PTPRG: variants seen among roughly 807,000 people sequenced by gnomAD.
PTPRG encodes protein tyrosine phosphatase receptor type G, also known as receptor-type tyrosine-protein phosphatase gamma.
PTPRG carries 102 observed loss-of-function variants against 165.3 expected under a neutral mutation model. That is an observed-to-expected ratio of 0.62 (90% CI 0.53 to 0.73). PTPRG has a LOEUF of 0.73. Ranked by LOEUF, PTPRG falls within the 30% of genes least tolerant of loss-of-function variation. PTPRG has a pLI of 0.00. For synonymous variants in PTPRG, 675 were observed against 669.5 expected (o/e 1.01, Z -0.13); for missense variants, 1,866 against 1,861.4 (o/e 1.00, Z -0.05).
chr3:62,098,996 A>C (rs1051836841), intron 5 of PTPRG, among the ~76,000 whole-genome samples: 1 of 152,212 alleles, frequency 6.6e-6, no homozygotes, highest in Non-Finnish European at 1.5e-5. Flanking sequence ...GAGATGATGC[A>C]TTTTTGTTGT....
chr3:61,906,045 T>C (rs891643972), intron 2 of PTPRG, among the ~76,000 whole-genome samples: 1 of 152,240 alleles, frequency 6.6e-6, no homozygotes, highest in South Asian at 2.1e-4. Flanking sequence ...TTTTAGGTTT[T>C]TTTAGCTCTA....
intron 1 of PTPRG, among the ~76,000 whole-genome samples, chr3:61,739,544 G>A (rs1035512769): frequency 6.6e-6 from 1 of 152,178 alleles, no homozygotes; most frequent in Admixed American, 6.5e-5. Flanking sequence ...TTGTAGTGTA[G>A]TATCAGTTAT....
intron 16 of PTPRG, among the ~76,000 whole-genome samples, chr3:62,258,998 C>G (rs1356092826): frequency 1.3e-5 from 2 of 152,186 alleles, no homozygotes; most frequent in Admixed American, 1.3e-4. Context: ...CTGGTAGAAT[C>G]AGAAGTCTAA....
At chr3:61,975,393 A>G (rs7627385) in intron 2 of PTPRG, among the ~76,000 whole-genome samples, 81,130 of 151,996 alleles carry the variant, frequency 0.53, 22,087 homozygotes, top group African/African-American at 0.65. Context: ...AGCCTGTCAT[A>G]TTGTTCTTGG....
intron 1 of PTPRG, among the ~76,000 whole-genome samples, chr3:61,606,625 C>G (rs1179744529): frequency 2.0e-5 from 3 of 152,200 alleles, no homozygotes; most frequent in Non-Finnish European, 4.4e-5. Flanking sequence ...AATTTTCTTA[C>G]ACTTCTGGAG....
chr3:61,965,487 CAA>C (rs56210593), intron 2 of PTPRG, among the ~76,000 whole-genome samples: 13 of 80,200 alleles, frequency 1.6e-4, no homozygotes, highest in South Asian at 4.6e-4. Context: ...GACTCCGTCT[CAA>C]AAAAAAAAAA....
chr3:62,067,037 T>TGAA lies in PTPRG; in HGVS notation c.520-11126_520-11125insGAA, dbSNP rs759567324. 4.2e-5 allele frequency among the ~76,000 whole-genome samples: 2 copies of TGAA among 48,152 alleles called. 1 individual carries two copies. Among genetic ancestry groups the TGAA allele is most frequent in the Admixed American group, 5.0e-4 (2 of 4,018 alleles). The allele number at this position is 48,152 out of a possible 152,430, so 31.6% of individuals were successfully genotyped here. On this transcript the variant is annotated intron_variant, in intron 4 of 29. Transcript: ENST00000474889. ...TGGCGACAAAGTGAGAGATTCTGAC[T>TGAA]CAAAAAAAAAAAAAAAAAAAAAAAT... is the stretch of plus-strand genomic sequence containing the variant.
intron 2 of PTPRG, among the ~76,000 whole-genome samples, chr3:61,881,488 C>T (rs2037888177): frequency 6.6e-6 from 1 of 152,178 alleles, no homozygotes. Context: ...GTGCTGGACG[C>T]TGTTTAGGGA....
At chr3:61,811,779 C>A (rs1007958844) in intron 2 of PTPRG, among the ~76,000 whole-genome samples, 2 of 152,110 alleles carry the variant, frequency 1.3e-5, no homozygotes, top group African/African-American at 4.8e-5. Flanking sequence ...TTCCAAATTC[C>A]CACAGGCTTA....
chr3:61,887,334 C>T (rs543242502), intron 2 of PTPRG, among the ~76,000 whole-genome samples: 6 of 151,790 alleles, frequency 4.0e-5, no homozygotes, highest in South Asian at 4.2e-4. Context: ...AGCCATTAAA[C>T]CAGTTCTAAC....
chr3:62,028,197 A>C (rs1699635603), intron 4 of PTPRG, among the ~76,000 whole-genome samples: 1 of 152,212 alleles, frequency 6.6e-6, no homozygotes, highest in Non-Finnish European at 1.5e-5. Context: ...TGCCCTTTTA[A>C]TATATTTTTG....
At chr3:61,876,680 G>A (rs1223922374) in intron 2 of PTPRG, among the ~76,000 whole-genome samples, 2 of 152,072 alleles carry the variant, frequency 1.3e-5, no homozygotes, top group South Asian at 2.1e-4. Flanking sequence ...AGGCCGAGGC[G>A]GGCGGATCCC....
At chr3:61,906,553 T>G (rs1439812226) in intron 2 of PTPRG, among the ~76,000 whole-genome samples, 1 of 152,132 alleles carries the variant, frequency 6.6e-6, no homozygotes. Context: ...GAGGATCACT[T>G]TAGCCCAGGA....
At chr3:61,731,150 A>G (rs2032476069) in intron 1 of PTPRG, among the ~76,000 whole-genome samples, 1 of 152,162 alleles carries the variant, frequency 6.6e-6, no homozygotes. Context: ...CTCCATAAAA[A>G]TAGTTTTTAC....
intron 4 of PTPRG, among the ~76,000 whole-genome samples, chr3:62,019,385 T>G (rs2041628880): frequency 6.6e-6 from 1 of 151,948 alleles, no homozygotes; most frequent in Non-Finnish European, 1.5e-5. Context: ...TAGTTGGGCG[T>G]GGTGGCACGC....
chr3:61,728,477 G>A (rs2032352323), intron 1 of PTPRG, among the ~76,000 whole-genome samples: 1 of 152,078 alleles, frequency 6.6e-6, no homozygotes, highest in Non-Finnish European at 1.5e-5. Context: ...CAGCTACTCG[G>A]GAGGTTGAGG....
intron 28 of PTPRG, among the ~76,000 whole-genome samples, chr3:62,288,697 G>C (rs1702764697): frequency 6.6e-6 from 1 of 151,404 alleles, no homozygotes; most frequent in Non-Finnish European, 1.5e-5. Context: ...AAATTCGAAA[G>C]TTGTTAATTT....
chr3:61,856,090 G>GC (rs1432239775), intron 2 of PTPRG, among the ~76,000 whole-genome samples: 1 of 152,076 alleles, frequency 6.6e-6, no homozygotes, highest in East Asian at 1.9e-4. Context: ...CAAGTGTGAT[G>GC]CCCTCAGTCT....
intron 5 of PTPRG, among the ~76,000 whole-genome samples, chr3:62,129,352 G>T (rs79064249): frequency 0.045 from 6,819 of 152,088 alleles, 335 homozygotes; most frequent in African/African-American, 0.13. Context: ...AATACTAAAT[G>T]CATTAAAAAG....
Sources: gnomAD v4.1 joint callset for allele counts (sites outside exome capture counted in the v4.1 genomes callset) on GRCh38, gnomAD v4.1.1 for gene constraint, MANE v1.5 for transcripts, NCBI Gene and HGNC (gene_info 2026-07-23, HGNC 2026-07-21) for gene names.